Variants in PBX4 observed in about 807,000 individuals in gnomAD.
PBX4 encodes PBX homeobox 4.
PBX4 carries 26 observed loss-of-function variants against 35.1 expected under a neutral mutation model. The observed-to-expected ratio is 0.74, with a 90% confidence interval of 0.54 to 1.03. The LOEUF is 1.03. Among genes scored for constraint, PBX4 ranks in the 50% least tolerant of loss-of-function variants. PBX4 has a pLI of 0.00. For missense variants in PBX4, 448 were observed against 504.3 expected, an observed-to-expected ratio of 0.89 and a Z score of 1.07; for synonymous variants, 199 against 204.2, an observed-to-expected ratio of 0.97 and a Z score of 0.22.
intron 2 of PBX4, among the ~76,000 whole-genome samples, chr19:19,585,017 A>T (rs2061480388): frequency 6.6e-6 from 1 of 152,048 alleles, no homozygotes; most frequent in Non-Finnish European, 1.5e-5. Flanking sequence ...GCCTGTTTGT[A>T]TTAAGAACTG....
At chr19:19,578,898 G>C (rs1027400174) in intron 2 of PBX4, among the ~76,000 whole-genome samples, 9 of 152,116 alleles carry the variant, frequency 5.9e-5, no homozygotes, top group African/African-American at 2.2e-4. Context: ...AGAGACCTCA[G>C]GGAGCTCGCT....
Position 19,570,655 on chromosome 19 carries a change from G to A in PBX4, c.372C>T (p.His124=). The A allele has an allele frequency of 6.2e-7, 1 of 1,614,198 alleles. No homozygotes were observed. The highest frequency in any genetic ancestry group is 1.1e-5 in the South Asian group (1 of 91,084). ...GGCPNDNSIE[H]SDYRAKLSQI... is the part of the protein sequence containing the mutation. Reference sequence around the variant, plus strand: ...GGGACAGCTTGGCCCTGTAGTCAGAGTGCTCAATGCTATTGTCATTTGGAC... The same window carrying A: ...GGGACAGCTTGGCCCTGTAGTCAGAATGCTCAATGCTATTGTCATTTGGAC... Residue 124 remains histidine (H), a synonymous_variant, in exon 3 of 8, where the codon CAC becomes CAT. Coordinates refer to ENST00000251203, the MANE Select transcript of PBX4 (RefSeq NM_025245.3).
chr19:19,573,751 A>C (rs1410441032), intron 2 of PBX4, among the ~76,000 whole-genome samples: 3 of 151,792 alleles, frequency 2.0e-5, no homozygotes, highest in Non-Finnish European at 4.4e-5. Flanking sequence ...TTTTTCTGAG[A>C]TGGAGTCTTG....
intron 2 of PBX4, among the ~76,000 whole-genome samples, 188 bp downstream of exon 2, chr19:19,599,104 G>A (rs1375774385): frequency 6.6e-6 from 1 of 151,936 alleles, no homozygotes. Context: ...GAGTAGCTGG[G>A]ATTACCGGCA....
chr19:19,597,018 C>T (rs2061565615), intron 2 of PBX4, among the ~76,000 whole-genome samples: 1 of 151,706 alleles, frequency 6.6e-6, no homozygotes, highest in Non-Finnish European at 1.5e-5. Context: ...TCAAGACCAG[C>T]CTGGCCAACA....
chr19:19,564,093 T>TA (rs2061325772), intron 6 of PBX4, among the ~76,000 whole-genome samples: 1 of 151,204 alleles, frequency 6.6e-6, no homozygotes, highest in Non-Finnish European at 1.5e-5. Flanking sequence ...CTGCACCCAC[T>TA]AACTCGTCAT....
chr19:19,574,205 A>G (rs2061405104), intron 2 of PBX4, among the ~76,000 whole-genome samples: 1 of 152,188 alleles, frequency 6.6e-6, no homozygotes, highest in African/African-American at 2.4e-5. Flanking sequence ...CACCAAGTCT[A>G]TGAAAAATCA....
chr19:19,573,415 A>T (rs902377951), intron 2 of PBX4, among the ~76,000 whole-genome samples: 1 of 151,774 alleles, frequency 6.6e-6, no homozygotes, highest in African/African-American at 2.4e-5. Context: ...TTCTTACTCA[A>T]TTAAAATTGG....
intron 2 of PBX4, among the ~76,000 whole-genome samples, chr19:19,572,030 CAA>C (rs546626234): frequency 0.03 from 1,818 of 59,856 alleles, 21 homozygotes; most frequent in African/African-American, 0.071. Context: ...GACCCCGTCT[CAA>C]AAAAAAAAAA....
chr19:19,601,999 C>T (rs2061600791), intron 1 of PBX4, among the ~76,000 whole-genome samples: 1 of 152,080 alleles, frequency 6.6e-6, no homozygotes, highest in Admixed American at 6.6e-5. Context: ...ACCAACACAC[C>T]TGGCTAAATT....
chr19:19,572,030 CAAAAA>C (rs546626234), intron 2 of PBX4, among the ~76,000 whole-genome samples: 3 of 59,838 alleles, frequency 5.0e-5, no homozygotes, highest in African/African-American at 2.0e-4. Flanking sequence ...GACCCCGTCT[CAAAAA>C]AAAAAAAAAA....
chr19:19,599,108 A>G (rs551455414), intron 2 of PBX4, among the ~76,000 whole-genome samples, 184 bp downstream of exon 2: 29 of 151,922 alleles, frequency 1.9e-4, no homozygotes, highest in Non-Finnish European at 3.8e-4. Flanking sequence ...AGCTGGGATT[A>G]CCGGCATGCG....
At chr19:19,586,508 A>G (rs184744266) in intron 2 of PBX4, among the ~76,000 whole-genome samples, 171 of 152,262 alleles carry the variant, frequency 1.1e-3, no homozygotes, top group Non-Finnish European at 1.7e-3. Context: ...CTGTCCTTGC[A>G]TGTGGTAACA....
intron 2 of PBX4, among the ~76,000 whole-genome samples, chr19:19,590,472 T>TTC (rs1396462286): frequency 2.1e-4 from 30 of 141,990 alleles, no homozygotes; most frequent in Non-Finnish European, 3.8e-4. Context: ...TTTTCTTTCT[T>TTC]TTTTTTTTTT....
intron 5 of PBX4, among the ~76,000 whole-genome samples, chr19:19,568,689 ACT>A (rs1313376428): frequency 1.4e-5 from 2 of 147,648 alleles, no homozygotes; most frequent in Non-Finnish European, 3.0e-5. Flanking sequence ...GGGAGCTCAT[ACT>A]CTGTCTGTAA....
intron 2 of PBX4, among the ~76,000 whole-genome samples, chr19:19,595,044 A>G (rs1373822205): frequency 1.3e-5 from 2 of 152,174 alleles, no homozygotes; most frequent in Non-Finnish European, 2.9e-5. Context: ...TTTTTAAAAT[A>G]GTTTTTTATT....
In PBX4 at chr19:19,570,788, T is replaced by A; in HGVS notation, c.239A>T (p.Gln80Leu). Residue 80 changes from glutamine to leucine, a missense_variant, in exon 3 of 8, where the codon CAG becomes CTG. Physicochemically the swap from Gln to Leu is moderately radical, Grantham distance 113 (BLOSUM62 -2). Transcript: ENST00000251203. ...CAGCATGTTATCCAGCCTCAGGAGC[T>A]GGGCGTCAGGGGGATCTTCGTCTTG... ...GIQDEDPPDA[Q>L]LLRLDNMLLA... The A allele has an allele frequency of 6.2e-7, 1 of 1,614,102 alleles. No individual in the cohort carries two copies. The highest frequency in any genetic ancestry group is 8.5e-7 in the Non-Finnish European group (1 of 1,180,030).
At chr19:19,602,166 C>T (rs1450743296) in intron 1 of PBX4, among the ~76,000 whole-genome samples, 1 of 152,078 alleles carries the variant, frequency 6.6e-6, no homozygotes, top group Non-Finnish European at 1.5e-5. Context: ...GGCACGGTAG[C>T]TCACGCCTGT....
At chr19:19,603,077 C>T (rs745618880) in intron 1 of PBX4, among the ~76,000 whole-genome samples, 2 of 152,180 alleles carry the variant, frequency 1.3e-5, no homozygotes, top group Non-Finnish European at 2.9e-5. Flanking sequence ...GAGGAAATCA[C>T]TATAAAAGTT....
Sources: gnomAD v4.1 joint callset for allele counts (sites outside exome capture counted in the v4.1 genomes callset) on GRCh38, gnomAD v4.1.1 for gene constraint, MANE v1.5 for transcripts, NCBI Gene and HGNC (gene_info 2026-07-23, HGNC 2026-07-21) for gene names.